The following GOLM2 variants were observed in gnomAD, a reference collection of about 807,000 sequenced individuals.
GOLM2 encodes protein GOLM2.
In GOLM2, 26 loss-of-function variants were observed where a neutral mutation model predicts 55.9. The ratio of observed to expected loss-of-function variants is 0.47; its 90% CI spans 0.34 to 0.65. The LOEUF (loss-of-function observed/expected upper bound fraction) is 0.65. Among genes scored for constraint, GOLM2 ranks in the 30% least tolerant of loss-of-function variants. The pLI, the probability that GOLM2 is intolerant of heterozygous loss-of-function variation, is 0.01. For synonymous variants in GOLM2, 165 were observed against 194.6 expected (o/e 0.85, Z 1.27); for missense variants, 486 against 531.8 (o/e 0.91, Z 0.85).
Position 44,325,990 on chromosome 15 carries a change from AC to A in GOLM2, c.383-2694del, listed in dbSNP as rs375970560. Reference sequence around the variant, plus strand: ...TATAAAAAGAGAAATTTGGCTGGGCACGGTGGCTCACGCTTGTAATCCCAGC... The same window carrying A: ...TATAAAAAGAGAAATTTGGCTGGGCAGGTGGCTCACGCTTGTAATCCCAGC... On this transcript the variant is annotated intron_variant, in intron 2 of 9. Coordinates refer to ENST00000299957, the MANE Select transcript of GOLM2 (RefSeq NM_138423.4). Among the ~76,000 whole-genome samples the A allele has an allele frequency of 3.3e-4, 50 of 152,288 alleles. No individual in the cohort carries two copies. The East Asian group carries it at 9.4e-3, about 29-fold the overall frequency.
intron 6 of GOLM2, among the ~76,000 whole-genome samples, chr15:44,366,668 C>T (rs768476673): frequency 6.6e-6 from 1 of 151,942 alleles, no homozygotes; most frequent in Non-Finnish European, 1.5e-5. Flanking sequence ...GAAGTAATTA[C>T]AGTGATGTGT....
chr15:44,346,588 T>G (rs2079126099), intron 6 of GOLM2, among the ~76,000 whole-genome samples: 1 of 152,214 alleles, frequency 6.6e-6, no homozygotes, highest in Non-Finnish European at 1.5e-5. Context: ...TTAAAGTGCT[T>G]ACTTAGTAGT....
chr15:44,296,683 G>C (rs1242499773), intron 1 of GOLM2, among the ~76,000 whole-genome samples: 2 of 152,164 alleles, frequency 1.3e-5, no homozygotes, highest in Admixed American at 1.3e-4. Context: ...GACTCTGTCT[G>C]TGTTCCTGCC....
chr15:44,354,236 G>A (rs1263781701), intron 6 of GOLM2, among the ~76,000 whole-genome samples: 2 of 145,932 alleles, frequency 1.4e-5, no homozygotes, highest in East Asian at 2.1e-4. Flanking sequence ...ACCATAAAAC[G>A]GGAATTGAAC....
rs1301281420 is a variant in GOLM2, at chr15:44,304,230, C to CTTCTTTTTT, written c.327+14876_327+14877insCTTTTTTTT. 5.3e-4 allele frequency among the ~76,000 whole-genome samples: 44 copies of CTTCTTTTTT among 82,922 alleles called. 3 individuals are homozygous for CTTCTTTTTT. Among genetic ancestry groups the CTTCTTTTTT allele is most frequent in the African/African-American group, 1.9e-3 (39 of 20,014 alleles). The allele number at this position is 82,922 out of a possible 152,430, so 54.4% of individuals were successfully genotyped here. A position where few individuals can be genotyped will look rare whatever the true frequency, so the allele number is the denominator to read the frequency against. On this transcript the variant is annotated intron_variant, in intron 1 of 9. Transcript: ENST00000299957. ...TCAGTCACGTCTTCAGGCTCCACTT[C>CTTCTTTTTT]TTTTTTTTTTTTTTTTTTTTTTTTT...
chr15:44,319,368 A>G (rs2078933730), intron 1 of GOLM2, among the ~76,000 whole-genome samples: 1 of 151,682 alleles, frequency 6.6e-6, no homozygotes, highest in African/African-American at 2.4e-5. Flanking sequence ...ATATGCCACC[A>G]TGCTCGACTA....
chr15:44,391,563 A>T (rs565608264), intron 8 of GOLM2, among the ~76,000 whole-genome samples: 1 of 151,972 alleles, frequency 6.6e-6, no homozygotes, highest in African/African-American at 2.4e-5. Flanking sequence ...ACATTAAGAC[A>T]GGAAGAGATG....
chr15:44,409,153 G>A (rs1046305512), intron 9 of GOLM2, among the ~76,000 whole-genome samples: 14 of 151,094 alleles, frequency 9.3e-5, no homozygotes, highest in Admixed American at 6.6e-5. Context: ...GCGTGATGGC[G>A]GGCACCCGTA....
In GOLM2 at chr15:44,317,132, GC is replaced by G. The variant is rs1415917221; in HGVS notation, c.328-5832del. The stretch of plus-strand genomic sequence containing the variant: ...GAGCATACCTCTACCAATTTCAGAA[GC>G]AGATTTAAAATGGAGTACAGAGAAC... On this transcript the variant is annotated intron_variant, in intron 1 of 9. Coordinates refer to ENST00000299957, the MANE Select transcript of GOLM2 (RefSeq NM_138423.4). 7.2e-5 allele frequency among the ~76,000 whole-genome samples: 11 copies of G among 152,234 alleles called. No individual in the cohort carries two copies. In the East Asian group the frequency reaches 2.1e-3, roughly 29 times the overall value.
chr15:44,347,929 GC>G (rs753178570), intron 6 of GOLM2, among the ~76,000 whole-genome samples: 3 of 152,148 alleles, frequency 2.0e-5, no homozygotes, highest in Non-Finnish European at 4.4e-5. Context: ...GGCCCTAGAT[GC>G]CTATAGTGTC....
chr15:44,358,906 C>T (rs145488840), intron 6 of GOLM2, among the ~76,000 whole-genome samples: 8 of 152,238 alleles, frequency 5.3e-5, no homozygotes, highest in African/African-American at 1.9e-4. Context: ...CCTGTAATGC[C>T]AGCACTTTGG....
chr15:44,367,261 C>A (rs1429222860), intron 6 of GOLM2, among the ~76,000 whole-genome samples: 3 of 142,196 alleles, frequency 2.1e-5, no homozygotes, highest in Non-Finnish European at 4.6e-5. Context: ...GTTTTTAGAT[C>A]CCTGTTTTAA....
Position 44,413,522 on chromosome 15 carries a change from A to G in GOLM2, c.*116A>G. ...GTATCAGTTGTAAAGATACATTGAG[A>G]TAGAATTAAGGAAAAACTTTAATGA... On this transcript the variant is annotated 3_prime_UTR_variant, in exon 10 of 10. Transcript: ENST00000299957. The G allele has an allele frequency of 8.2e-6, 6 of 735,972 alleles. No homozygotes were observed. Among genetic ancestry groups the G allele is most frequent in the Non-Finnish European group, 1.4e-5 (6 of 441,474 alleles). The allele number at this position is 735,972 out of a possible 1,614,324, so 45.6% of individuals were successfully genotyped here.
intron 1 of GOLM2, among the ~76,000 whole-genome samples, chr15:44,320,134 T>C (rs2078939313): frequency 6.6e-6 from 1 of 152,212 alleles, no homozygotes; most frequent in African/African-American, 2.4e-5. Context: ...TCTTTATGGC[T>C]TTACCTATTC....
At position 44,373,440 on chromosome 15, in the gene GOLM2, G is replaced by A. The variant is rs564162845; in HGVS notation, c.803-6250G>A. Reference sequence around the variant, plus strand: ...CCACTGCACTCCAGCCTGGGCGACAGAGCGAGACTCCGTCTCAAAAAAAAA... The same window carrying A: ...CCACTGCACTCCAGCCTGGGCGACAAAGCGAGACTCCGTCTCAAAAAAAAA... On this transcript the variant is annotated intron_variant, in intron 6 of 9. Transcript: ENST00000299957. Among the ~76,000 whole-genome samples the A allele has an allele frequency of 2.8e-5, 4 of 141,290 alleles. No individual in the cohort carries two copies. The South Asian group carries it at 9.0e-4, about 32-fold the overall frequency. The allele number at this position is 141,290 out of a possible 152,430, so 92.7% of individuals were successfully genotyped here.
At chr15:44,399,330 TC>T (rs1427922485) in intron 8 of GOLM2, among the ~76,000 whole-genome samples, 1 of 152,230 alleles carries the variant, frequency 6.6e-6, no homozygotes, top group Non-Finnish European at 1.5e-5. Flanking sequence ...ACTTTTGTTG[TC>T]TGTGAAATGT....
At chr15:44,375,124 G>A (rs150474539) in intron 6 of GOLM2, among the ~76,000 whole-genome samples, 15 of 151,996 alleles carry the variant, frequency 9.9e-5, no homozygotes, top group Admixed American at 6.6e-5. Context: ...GGGTTCAAGC[G>A]ATTCTCCTGC....
intron 9 of GOLM2, among the ~76,000 whole-genome samples, chr15:44,404,785 G>C (rs773090713): frequency 3.9e-5 from 6 of 151,936 alleles, no homozygotes; most frequent in Non-Finnish European, 7.4e-5. Flanking sequence ...ACCCGCCACA[G>C]TACTTTGCAC....
chr15:44,289,448 C>T lies in GOLM2; in HGVS notation c.327+92C>T. 8.4e-7 allele frequency: 1 copy of T among 1,186,510 alleles called. No homozygotes were observed. Among genetic ancestry groups the T allele is most frequent in the Non-Finnish European group, 1.2e-6 (1 of 854,258 alleles). The allele number at this position is 1,186,510 out of a possible 1,614,324, so 73.5% of individuals were successfully genotyped here. ...TTAATCCGCTAGCTGTTGTCTTATG[C>T]CTTCCAGTATTTCAGTCCTGAAGGC... On this transcript the variant is annotated intron_variant, in intron 1 of 9. Transcript: ENST00000299957. This position sits in a 1 kb window ranked among gnomAD's most constrained non-coding sequence, Gnocchi z 4.8.
Sources: allele counts gnomAD v4.1 joint callset (sites outside exome capture counted in the v4.1 genomes callset), GRCh38; gene constraint gnomAD v4.1.1; non-coding constraint Gnocchi (gnomAD v3.1); transcripts MANE v1.5; gene names NCBI Gene and HGNC (gene_info 2026-07-23, HGNC 2026-07-21).